The following MICU2 variants were observed in gnomAD, a reference collection of about 807,000 sequenced individuals.
The protein encoded by MICU2 is mitochondrial calcium uptake 2.
MICU2 carries 64 observed loss-of-function variants against 60.4 expected under a neutral mutation model. That is an observed-to-expected ratio of 1.06 (90% CI 0.87 to 1.31). MICU2 has a LOEUF of 1.31. MICU2 is among the 50% of genes most tolerant of loss of function. The pLI is 0.00. For synonymous variants in MICU2, 201 were observed against 175.0 expected, an observed-to-expected ratio of 1.15 and a Z score of -1.17; for missense variants, 569 against 531.0, an observed-to-expected ratio of 1.07 and a Z score of -0.70.
chr13:21,501,301 C>T (rs1015319805), intron 9 of MICU2, among the ~76,000 whole-genome samples: 30 of 151,316 alleles, frequency 2.0e-4, no homozygotes, highest in Admixed American at 1.8e-3. Context: ...CTTGCTCTGT[C>T]ACCCAGGCTG....
rs779949171 is a variant in MICU2, at chr13:21,509,980, A to G, written c.761+24T>C. 3.6e-6 allele frequency: 5 copies of G among 1,371,936 alleles called. No individual in the cohort carries two copies. The Admixed American group carries it at 1.2e-4, about 33-fold the overall frequency. 85.0% of individuals were successfully genotyped at this position (1,371,936 alleles called of 1,614,324 possible). ...TTTCTTACCCATAAAATTTCCCTAAATGAATGTAAATATTTGCATTTACCT... is the reference window on the plus strand; with the variant it reads ...TTTCTTACCCATAAAATTTCCCTAAGTGAATGTAAATATTTGCATTTACCT... On this transcript the variant is annotated intron_variant, in intron 8 of 11. Coordinates refer to ENST00000382374, the MANE Select transcript of MICU2 (RefSeq NM_152726.3).
At position 21,492,721 on chromosome 13, in the gene MICU2, G is replaced by C. The variant is rs1354475294; in HGVS notation, c.*528C>G. 6.6e-6 allele frequency: 1 copy of C among 152,320 alleles called. No individual in the cohort carries two copies. The highest frequency in any genetic ancestry group is 1.9e-4 in the East Asian group (1 of 5,310). The allele number at this position is 152,320 out of a possible 1,614,324, so 9.4% of individuals were successfully genotyped here. ...TGTATCTATGTAAATATTTTATTCT[G>C]CTTCCAGATAGAACATTGAAGTTTA... On this transcript the variant is annotated 3_prime_UTR_variant, in exon 12 of 12. Coordinates refer to ENST00000382374, the MANE Select transcript of MICU2 (RefSeq NM_152726.3).
At chr13:21,525,417 T>G (rs1331241288) in intron 4 of MICU2, among the ~76,000 whole-genome samples, 1 of 151,892 alleles carries the variant, frequency 6.6e-6, no homozygotes, top group Non-Finnish European at 1.5e-5. Flanking sequence ...GATCTCGATC[T>G]CCTGACCTCG....
chr13:21,501,418 A>G (rs953543003), intron 9 of MICU2, among the ~76,000 whole-genome samples: 1 of 151,980 alleles, frequency 6.6e-6, no homozygotes, highest in South Asian at 2.1e-4. Flanking sequence ...ACCTGCCACC[A>G]TGCCTGGCTA....
intron 10 of MICU2, 68 bp from the exon 11 acceptor site, chr13:21,495,386 T>C: frequency 7.4e-7 from 1 of 1,354,080 alleles, no homozygotes; most frequent in Non-Finnish European, 9.7e-7. Flanking sequence ...ATCTAAATTT[T>C]CATTATTTGA....
At chr13:21,588,745 C>T (rs1888510631) in intron 1 of MICU2, among the ~76,000 whole-genome samples, 1 of 152,192 alleles carries the variant, frequency 6.6e-6, no homozygotes, top group Admixed American at 6.5e-5. Context: ...CCTAGCATCT[C>T]ATCAACCAGA....
chr13:21,559,911 C>T (rs1413116057), intron 2 of MICU2, among the ~76,000 whole-genome samples: 1 of 152,292 alleles, frequency 6.6e-6, no homozygotes, highest in East Asian at 1.9e-4. Context: ...TTGTCTTTAA[C>T]AAAATTAATT....
At chr13:21,496,477 T>C (rs1209494012) in intron 9 of MICU2, 4 of 290,904 alleles carry the variant, frequency 1.4e-5, no homozygotes, top group Non-Finnish European at 2.6e-5. Context: ...CTGTGGTGTT[T>C]TGAGGCGGCA....
rs1355299161 is a variant in MICU2 at position 21,603,938 on chromosome 13, C to G, written c.210+1G>C. On this transcript the variant is annotated splice_donor_variant, in intron 1 of 11. Coordinates refer to ENST00000382374, the MANE Select transcript of MICU2 (RefSeq NM_152726.3). LOFTEE classifies it high-confidence loss of function. ...GCTAGCAGAAGGAGTTAGTCCTGTA[C>G]CTGTGCGGAGACTGTAAAACTGCCA... 2.5e-6 allele frequency: 4 copies of G among 1,612,326 alleles called. No homozygotes were observed. The African/African-American group carries it at 5.3e-5, about 22-fold the overall frequency.
At chr13:21,507,213 G>A (rs958430160) in intron 8 of MICU2, among the ~76,000 whole-genome samples, 1 of 152,084 alleles carries the variant, frequency 6.6e-6, no homozygotes, top group African/African-American at 2.4e-5. Flanking sequence ...ATAATTTATA[G>A]AAGAACTAAT....
At chr13:21,532,102 C>T (rs960397704) in intron 4 of MICU2, among the ~76,000 whole-genome samples, 3 of 152,138 alleles carry the variant, frequency 2.0e-5, no homozygotes, top group African/African-American at 4.8e-5. Context: ...TGCCCCTATA[C>T]GTAGAGGGCG....
At chr13:21,567,462 G>C (rs1888013243) in intron 1 of MICU2, among the ~76,000 whole-genome samples, 1 of 152,162 alleles carries the variant, frequency 6.6e-6, no homozygotes, top group South Asian at 2.1e-4. Context: ...GGAAAGAAGA[G>C]AGTGGCAGAA....
At chr13:21,564,779 G>T (rs1887935303) in intron 2 of MICU2, among the ~76,000 whole-genome samples, 1 of 152,138 alleles carries the variant, frequency 6.6e-6, no homozygotes. Context: ...AGGAAGAGGG[G>T]AGAACATTTT....
intron 4 of MICU2, among the ~76,000 whole-genome samples, chr13:21,535,361 T>C (rs1887106617): frequency 6.6e-6 from 1 of 152,014 alleles, no homozygotes; most frequent in East Asian, 2.0e-4. Context: ...ACTCAGTTTA[T>C]ATCCACAGAG....
Position 21,526,857 on chromosome 13 carries a change from T to C in MICU2, c.467-4207A>G, listed in dbSNP as rs116521923. 6.2e-3 allele frequency among the ~76,000 whole-genome samples: 946 copies of C among 151,664 alleles called. 6 individuals carry two copies. The highest frequency in any genetic ancestry group is 0.022 in the African/African-American group (909 of 41,376). ...AGTTCGGACAGGAAGAATAAAGAGC[T>C]GCAGAGGGTGATGACGGTGGGAATG... On this transcript the variant is annotated intron_variant, in intron 4 of 11. Transcript: ENST00000382374.
rs773823626 is a variant in MICU2, at chr13:21,493,695, TA to T, written c.1201-343del. On this transcript the variant is annotated intron_variant, in intron 11 of 11. Transcript: ENST00000382374. ...AATGTTTTCCTTTTATAATGTTTTA[TA>T]ATCTTTCCCTTTTTTTCTGGTGAAC... Among the ~76,000 whole-genome samples, 9 of 151,304 alleles carry T rather than the reference TA, an allele frequency of 5.9e-5. No homozygotes were observed. The East Asian group carries it at 1.3e-3, about 23-fold the overall frequency.
At position 21,493,067 on chromosome 13, in the gene MICU2, ATACT is replaced by A. The variant is rs1226444633; in HGVS notation, c.*178_*181del. The A allele has an allele frequency of 4.6e-6, 2 of 434,938 alleles. No homozygotes were observed. The highest frequency in any genetic ancestry group is 4.3e-5 in the Admixed American group (1 of 23,458). The allele number at this position is 434,938 out of a possible 1,614,324, so 26.9% of individuals were successfully genotyped here. ...CTGACAGAATCCAATATCTATTTTTATACTTACTTTTCTTTCTACTAAGTTCTTT... is the reference window on the plus strand; with the variant it reads ...CTGACAGAATCCAATATCTATTTTTATACTTTTCTTTCTACTAAGTTCTTT... On this transcript the variant is annotated 3_prime_UTR_variant, in exon 12 of 12. Transcript: ENST00000382374.
chr13:21,520,951 A>T (rs1293245248), intron 6 of MICU2, among the ~76,000 whole-genome samples: 2 of 152,120 alleles, frequency 1.3e-5, no homozygotes, highest in African/African-American at 4.8e-5. Flanking sequence ...TCTTTAAAAA[A>T]TATATATCCT....
At chr13:21,545,721 A>C (rs1887400717) in intron 2 of MICU2, among the ~76,000 whole-genome samples, 1 of 152,082 alleles carries the variant, frequency 6.6e-6, no homozygotes, top group Non-Finnish European at 1.5e-5. Flanking sequence ...AGGACAGAGT[A>C]TACTAGAGGC....
Sources: allele counts gnomAD v4.1 joint callset (sites outside exome capture counted in the v4.1 genomes callset), GRCh38; gene constraint gnomAD v4.1.1; transcripts MANE v1.5; gene names NCBI Gene and HGNC (gene_info 2026-07-23, HGNC 2026-07-21).